The following DRC9 variants were observed in gnomAD, a reference collection of about 807,000 sequenced individuals.
The protein encoded by DRC9 is dynein regulatory complex subunit 9.
At chr3:197,917,023 C>T in the DRC9 span, among the ~76,000 whole-genome samples, 1 of 152,162 alleles carries the variant, frequency 6.6e-6, no homozygotes, top group Non-Finnish European at 1.5e-5. Flanking sequence ...CTTAAAGTAT[C>T]ATTAGGCCCC....
At chr3:197,952,162 GTTTTTTTTTT>G in the DRC9 span, among the ~76,000 whole-genome samples, 45 of 83,890 alleles carry the variant, frequency 5.4e-4, 1 homozygote, top group Admixed American at 2.6e-3. Flanking sequence ...AAAATTATGG[GTTTTTTTTTT>G]TTTTTTTTTT....
At chr3:197,904,956 C>T in the DRC9 span, among the ~76,000 whole-genome samples, 1 of 152,102 alleles carries the variant, frequency 6.6e-6, no homozygotes. Context: ...GAACTGAGGT[C>T]ATTATGTTAA....
At chr3:197,915,402 G>A in the DRC9 span, among the ~76,000 whole-genome samples, 12 of 151,994 alleles carry the variant, frequency 7.9e-5, no homozygotes, top group African/African-American at 1.2e-4. Flanking sequence ...ACAGGACCCC[G>A]GAGACCCAAC....
chr3:197,895,742 G>C, the DRC9 span, among the ~76,000 whole-genome samples: 2 of 150,824 alleles, frequency 1.3e-5, no homozygotes, highest in Non-Finnish European at 3.0e-5. Flanking sequence ...TTGGGAGGCC[G>C]AGCAGGTGGA....
the DRC9 span, chr3:197,958,183 A>G: frequency 1.3e-5 from 2 of 152,226 alleles, no homozygotes; most frequent in East Asian, 3.8e-4. Context: ...TCCCCTGCCC[A>G]CAACCTCCAG....
chr3:197,952,169 T>G, the DRC9 span, among the ~76,000 whole-genome samples: 365 of 129,474 alleles, frequency 2.8e-3, 3 homozygotes, highest in Non-Finnish European at 5.1e-3. Context: ...TGGGTTTTTT[T>G]TTTTTTTTTT....
the DRC9 span, among the ~76,000 whole-genome samples, chr3:197,900,461 C>T: frequency 2.6e-5 from 4 of 152,120 alleles, no homozygotes; most frequent in Non-Finnish European, 5.9e-5. The surrounding 1 kb of genome is among the most constrained non-coding windows in gnomAD (Gnocchi z 4.7). Context: ...AGGACACCAG[C>T]TCAGCCACAG....
At chr3:197,931,753 T>C in the DRC9 span, among the ~76,000 whole-genome samples, 2 of 151,992 alleles carry the variant, frequency 1.3e-5, no homozygotes, top group East Asian at 3.9e-4. Context: ...GCCTCCCAAG[T>C]AGCTGGGACT....
chr3:197,904,752 C>T, the DRC9 span, among the ~76,000 whole-genome samples: 13 of 152,040 alleles, frequency 8.6e-5, no homozygotes, highest in East Asian at 1.5e-3. Context: ...CCCAGCTACT[C>T]GGGAGGCTGA....
the DRC9 span, among the ~76,000 whole-genome samples, chr3:197,940,599 C>T: frequency 1.3e-5 from 2 of 152,072 alleles, no homozygotes; most frequent in African/African-American, 4.8e-5. Flanking sequence ...TGTTAAAAGG[C>T]TCAAGGATGT....
At chr3:197,925,863 C>T in the DRC9 span, among the ~76,000 whole-genome samples, 2 of 152,220 alleles carry the variant, frequency 1.3e-5, no homozygotes, top group South Asian at 2.1e-4. Flanking sequence ...GGACTACAGG[C>T]GTGAGCCACC....
chr3:197,951,518 A>G, the DRC9 span: 6 of 565,922 alleles, frequency 1.1e-5, no homozygotes, highest in Non-Finnish European at 1.9e-5. Flanking sequence ...ACGCCCGGCT[A>G]GTTTTTGTAT....
chr3:197,904,985 G>C, the DRC9 span, among the ~76,000 whole-genome samples: 3 of 152,136 alleles, frequency 2.0e-5, no homozygotes, highest in Non-Finnish European at 4.4e-5. Flanking sequence ...AACCAGGCAG[G>C]GGAAGACAAA....
At chr3:197,908,053 C>T in the DRC9 span, among the ~76,000 whole-genome samples, 31 of 150,008 alleles carry the variant, frequency 2.1e-4, no homozygotes, top group African/African-American at 5.9e-4. Context: ...AGCGAGCAAC[C>T]CTTTCCAAGG....
chr3:197,920,283 C>T, the DRC9 span, among the ~76,000 whole-genome samples: 2 of 151,918 alleles, frequency 1.3e-5, no homozygotes, highest in African/African-American at 2.4e-5. Flanking sequence ...TGATACTATA[C>T]GAGTCCATAG....
chr3:197,902,166 G>A, the DRC9 span, among the ~76,000 whole-genome samples: 2 of 152,222 alleles, frequency 1.3e-5, no homozygotes, highest in Non-Finnish European at 2.9e-5. Flanking sequence ...TTAGGGGCTT[G>A]GAGTGTTCCC....
At chr3:197,900,147 G>T in the DRC9 span, among the ~76,000 whole-genome samples, 1 of 152,174 alleles carries the variant, frequency 6.6e-6, no homozygotes, top group African/African-American at 2.4e-5. The surrounding 1 kb of genome is among the most constrained non-coding windows in gnomAD (Gnocchi z 4.7). Flanking sequence ...CAGCATCTCG[G>T]GCTACGCCGC....
At chr3:197,919,012 TAGTC>T in the DRC9 span, among the ~76,000 whole-genome samples, 5 of 152,022 alleles carry the variant, frequency 3.3e-5, no homozygotes, top group African/African-American at 4.8e-5. Flanking sequence ...TTCTCCATGT[TAGTC>T]AGGCTGGTCT....
the DRC9 span, chr3:197,954,016 C>G: frequency 6.2e-7 from 1 of 1,613,094 alleles, no homozygotes; most frequent in Non-Finnish European, 8.5e-7. Context: ...CACAGTCACT[C>G]CTGGCGGCAA....
Sources: allele counts gnomAD v4.1 joint callset (sites outside exome capture counted in the v4.1 genomes callset), GRCh38; gene constraint gnomAD v4.1.1; non-coding constraint Gnocchi (gnomAD v3.1); transcripts MANE v1.5; gene names NCBI Gene and HGNC (gene_info 2026-07-23, HGNC 2026-07-21).